DGLUCY: variants seen among roughly 807,000 people sequenced by gnomAD.
DGLUCY encodes D-glutamate cyclase, mitochondrial.
In DGLUCY, 58 loss-of-function variants were observed where a neutral mutation model predicts 58.5. The ratio of observed to expected loss-of-function variants is 0.99; its 90% CI spans 0.80 to 1.23. DGLUCY has a LOEUF of 1.23. Among genes scored for constraint, DGLUCY ranks in the 50% most tolerant of loss-of-function variants. The pLI is 0.00. For missense variants in DGLUCY, 779 were observed against 784.7 expected, an observed-to-expected ratio of 0.99 and a Z score of 0.09; for synonymous variants, 325 against 314.1, an observed-to-expected ratio of 1.03 and a Z score of -0.37.
chr14:91,126,579 C>A, intron 1 of DGLUCY: 1 of 194,374 alleles, frequency 5.1e-6, no homozygotes. Context: ...CGTGTCAGAC[C>A]AGGTGCGGTG....
At chr14:91,113,490 CATA>C (rs1229486733), upstream of DGLUCY, among the ~76,000 whole-genome samples, 1 of 152,100 alleles carries the variant, frequency 6.6e-6, no homozygotes, top group Non-Finnish European at 1.5e-5. Flanking sequence ...TGTTCTAGTG[CATA>C]ATGCTTATTA....
chr14:91,128,309 CAAA>C (rs34796763), intron 1 of DGLUCY, among the ~76,000 whole-genome samples: 5 of 102,928 alleles, frequency 4.9e-5, no homozygotes, highest in African/African-American at 4.0e-5. Context: ...CCCATCTCTA[CAAA>C]AAAAAAAAAA....
intron 1 of DGLUCY, among the ~76,000 whole-genome samples, chr14:91,131,324 T>G (rs1315027383): frequency 1.3e-5 from 2 of 152,204 alleles, no homozygotes; most frequent in Non-Finnish European, 1.5e-5. Context: ...TGGACAGAAG[T>G]TCTTAATTTT....
At chr14:91,174,832 A>G (rs1007167022) in intron 6 of DGLUCY, among the ~76,000 whole-genome samples, 7 of 152,086 alleles carry the variant, frequency 4.6e-5, no homozygotes, top group African/African-American at 1.7e-4. Context: ...GTGGGTTCTG[A>G]TGCTATCTCC....
intron 1 of DGLUCY, among the ~76,000 whole-genome samples, chr14:91,144,610 A>T (rs2046917684): frequency 6.6e-6 from 1 of 152,150 alleles, no homozygotes; most frequent in Non-Finnish European, 1.5e-5. Context: ...CTTAGATCTC[A>T]GGAATCCATC....
chr14:91,220,060 T>C (rs1385180754), intron 13 of DGLUCY, among the ~76,000 whole-genome samples: 2 of 152,222 alleles, frequency 1.3e-5, no homozygotes, highest in South Asian at 2.1e-4. Context: ...TTAGGGCCAC[T>C]CTCTTCCCTG....
chr14:91,199,692 A>G (rs1300954661), intron 10 of DGLUCY, 65 bp from the exon 11 acceptor site: 6 of 1,567,214 alleles, frequency 3.8e-6, no homozygotes, highest in South Asian at 2.3e-5. Flanking sequence ...ACAAGAAGGC[A>G]TGACCCAGCA....
intron 11 of DGLUCY, among the ~76,000 whole-genome samples, chr14:91,201,896 T>C (rs1389356213): frequency 6.6e-6 from 1 of 151,658 alleles, no homozygotes; most frequent in East Asian, 1.9e-4. Context: ...CTATTAAATA[T>C]ATAAAAAAAT....
exon 1 of DGLUCY, chr14:91,060,555 C>T: frequency 8.4e-7 from 1 of 1,188,030 alleles, no homozygotes; most frequent in Non-Finnish European, 1.1e-6. Context: ...CTCCAGAACT[C>T]GGACGCAAAG....
chr14:91,082,570 C>T (rs1566934030), intron 1 of DGLUCY, among the ~76,000 whole-genome samples: 2 of 152,166 alleles, frequency 1.3e-5, no homozygotes, highest in Non-Finnish European at 2.9e-5. Flanking sequence ...TTATCATGTT[C>T]TGTAAGGTTG....
rs553780458 is a variant in DGLUCY at position 91,155,152 on chromosome 14, C to T, written c.-81-2487C>T. Among the ~76,000 whole-genome samples, 13 of 152,302 alleles carry T rather than the reference C, an allele frequency of 8.5e-5. 1 individual carries two copies. In the South Asian group the frequency reaches 2.7e-3, roughly 32 times the overall value. ...TTAACTATTTACTTTTCTATCTTTT[C>T]CTGGAAGACAGACACGATGGTAGAT... On this transcript the variant is annotated intron_variant, in intron 1 of 13. Transcript: ENST00000256324.
intron 1 of DGLUCY, among the ~76,000 whole-genome samples, chr14:91,074,243 CTG>C: frequency 7.0e-6 from 1 of 142,804 alleles, no homozygotes; most frequent in Non-Finnish European, 1.5e-5. Context: ...CTGCAGTGAG[CTG>C]TGATTGTGCC....
intron 1 of DGLUCY, among the ~76,000 whole-genome samples, chr14:91,102,786 T>TGTGTGTGTGTGTGTGTGTG (rs59480792): frequency 5.3e-5 from 8 of 149,916 alleles, no homozygotes; most frequent in African/African-American, 9.9e-5. Flanking sequence ...TGTGTGTGTG[T>TGTGTGTGTGTGTGTGTGTG]TTGAGACTGA....
intron 11 of DGLUCY, among the ~76,000 whole-genome samples, chr14:91,201,594 G>A (rs2050566071): frequency 6.6e-6 from 1 of 152,056 alleles, no homozygotes; most frequent in South Asian, 2.1e-4. Flanking sequence ...ACCATGCCCG[G>A]CTGCTTGGCT....
chr14:91,112,785 C>G (rs1025649651), upstream of DGLUCY, among the ~76,000 whole-genome samples: 3 of 149,168 alleles, frequency 2.0e-5, no homozygotes, highest in Non-Finnish European at 4.5e-5. Context: ...TTTGGGAGGC[C>G]GAGGCGGGCA....
intron 12 of DGLUCY, among the ~76,000 whole-genome samples, chr14:91,205,811 TCC>T (rs1884548501): frequency 7.0e-6 from 1 of 143,536 alleles, no homozygotes; most frequent in Non-Finnish European, 1.5e-5. Context: ...CTCCTTCTCC[TCC>T]TCCTCCTCCT....
chr14:91,087,351 T>C (rs1482020168), intron 1 of DGLUCY, among the ~76,000 whole-genome samples: 1 of 152,120 alleles, frequency 6.6e-6, no homozygotes, highest in Non-Finnish European at 1.5e-5. Context: ...GAAGTAGAGG[T>C]TCCTCTTCAA....
At chr14:91,100,355 T>C (rs2044465785) in intron 1 of DGLUCY, among the ~76,000 whole-genome samples, 1 of 152,136 alleles carries the variant, frequency 6.6e-6, no homozygotes, top group African/African-American at 2.4e-5. Context: ...CCTCACGACT[T>C]TTGAGGCTAA....
rs762980289 is a variant in DGLUCY at position 91,199,863 on chromosome 14, C to A, written c.1402C>A (p.Leu468Ile). ...IKHLVDPIDD[L>I]FLAAKKIPGI... ...GCACTTGGTTGACCCCATTGACGAT[C>A]TTTTTCTTGCTGCGAAGAAGATTCC... Residue 468 changes from leucine (L) to isoleucine (I), a missense_variant, in exon 11 of 14, where the codon CTT becomes ATT. Physicochemically the swap from Leu to Ile is conservative, Grantham distance 5. Transcript: ENST00000256324. The A allele has an allele frequency of 6.2e-7, 1 of 1,614,166 alleles. No individual in the cohort carries two copies. The highest frequency in any genetic ancestry group is 8.5e-7 in the Non-Finnish European group (1 of 1,180,016).
Sources: gnomAD v4.1 joint callset for allele counts (sites outside exome capture counted in the v4.1 genomes callset) on GRCh38, gnomAD v4.1.1 for gene constraint, MANE v1.5 for transcripts, NCBI Gene and HGNC (gene_info 2026-07-23, HGNC 2026-07-21) for gene names.